The following ADGRG4 variants were observed in gnomAD, a reference collection of about 807,000 sequenced individuals.
ADGRG4 encodes adhesion G protein-coupled receptor G4, also known as G protein-coupled receptor 112.
In ADGRG4, 122 loss-of-function variants were observed where a neutral mutation model predicts 126.2. That is an observed-to-expected ratio of 0.97 (90% CI 0.83 to 1.12). ADGRG4 has a LOEUF of 1.12. Ranked by LOEUF, ADGRG4 falls within the 50% of genes most tolerant of loss-of-function variation. The pLI is 0.00. For synonymous variants in ADGRG4, 943 were observed against 838.7 expected, an observed-to-expected ratio of 1.12 and a Z score of -2.15; for missense variants, 2,481 against 2,251.8, an observed-to-expected ratio of 1.10 and a Z score of -2.06.
chrX:136,387,666 G>T (rs957144327), intron 15 of ADGRG4, 74 bp from the exon 16 acceptor site: 5 of 976,455 alleles, frequency 5.1e-6, no homozygotes, highest in Non-Finnish European at 7.1e-6. Flanking sequence ...AGGCTGAGCT[G>T]GGGTGGGAGG....
chrX:136,300,963 C>T lies in ADGRG4; in HGVS notation c.-291C>T, dbSNP rs1247151299. 4 of 112,338 alleles carry T rather than the reference C, an allele frequency of 3.6e-5. No homozygotes were observed. Among genetic ancestry groups the T allele is most frequent in the Non-Finnish European group, 7.5e-5 (4 of 53,309 alleles). 9.3% of individuals were successfully genotyped at this position (112,338 alleles called of 1,213,427 possible). On this transcript the variant is annotated 5_prime_UTR_variant, in exon 1 of 26. Coordinates refer to ENST00000394143, the MANE Select transcript of ADGRG4 (RefSeq NM_153834.4). ...AGTATTCCATGGTGTATATGTGCCACAGTTTCTTAATCCAGTCTATCACTG... is the reference window on the plus strand; with the variant it reads ...AGTATTCCATGGTGTATATGTGCCATAGTTTCTTAATCCAGTCTATCACTG...
At position 136,414,332 on chromosome X, in the gene ADGRG4, G is replaced by A. The variant is rs1569341115; in HGVS notation, c.9205+5G>A. On this transcript the variant is annotated splice_donor_5th_base_variant and intron_variant, in intron 25 of 25. Coordinates refer to ENST00000394143, the MANE Select transcript of ADGRG4 (RefSeq NM_153834.4). ...CAGAAATAAGCTTTCCAAATGGTAA[G>A]AAAAAAAGGCTGTGTTGTCTACATT... The A allele has an allele frequency of 6.0e-6, 7 of 1,172,596 alleles. No individual in the cohort carries two copies. The highest frequency in any genetic ancestry group is 4.9e-5 in the Admixed American group (2 of 40,721).
At chrX:136,357,643 G>A (rs1722623162) in intron 9 of ADGRG4, 61 bp from the exon 10 acceptor site, 2 of 787,228 alleles carry the variant, frequency 2.5e-6, no homozygotes, top group African/African-American at 4.1e-5. Flanking sequence ...AATAAGCCCT[G>A]TACTCAGTTA....
At chrX:136,385,492 C>T (rs2075288426) in intron 15 of ADGRG4, among the ~76,000 whole-genome samples, 1 of 111,580 alleles carries the variant, frequency 9.0e-6, no homozygotes, top group Admixed American at 9.5e-5. Context: ...CCATTATTTC[C>T]TCTCTCCATT....
chrX:136,317,729 G>T (rs1438780142), intron 4 of ADGRG4, among the ~76,000 whole-genome samples: 1 of 111,308 alleles, frequency 9.0e-6, no homozygotes, highest in Non-Finnish European at 1.9e-5. Flanking sequence ...ATGGGCAAAA[G>T]ACTTGAATAT....
chrX:136,395,641 A>T, intron 19 of ADGRG4, 148 bp downstream of exon 19: 1 of 348,099 alleles, frequency 2.9e-6, no homozygotes, highest in South Asian at 8.3e-5. Flanking sequence ...TCAGATTGAG[A>T]CAAATATTTA....
chrX:136,317,220 G>T (rs2074810152), intron 4 of ADGRG4, among the ~76,000 whole-genome samples: 1 of 110,837 alleles, frequency 9.0e-6, no homozygotes, highest in South Asian at 3.9e-4. Context: ...ACCAAAAGCG[G>T]CCGGGCGTGG....
chrX:136,414,332 G>C lies in ADGRG4; in HGVS notation c.9205+5G>C. 5 of 1,172,628 alleles carry C rather than the reference G, an allele frequency of 4.3e-6. No individual in the cohort carries two copies. Among genetic ancestry groups the C allele is most frequent in the Non-Finnish European group, 5.7e-6 (5 of 872,226 alleles). On this transcript the variant is annotated splice_donor_5th_base_variant and intron_variant, in intron 25 of 25. Coordinates refer to ENST00000394143, the MANE Select transcript of ADGRG4 (RefSeq NM_153834.4). ...CAGAAATAAGCTTTCCAAATGGTAAGAAAAAAAGGCTGTGTTGTCTACATT... is the reference window on the plus strand; with the variant it reads ...CAGAAATAAGCTTTCCAAATGGTAACAAAAAAAGGCTGTGTTGTCTACATT...
intron 5 of ADGRG4, among the ~76,000 whole-genome samples, chrX:136,334,525 T>A (rs1250164447): frequency 8.9e-6 from 1 of 112,312 alleles, no homozygotes; most frequent in Non-Finnish European, 1.9e-5. Flanking sequence ...TATATCTGTA[T>A]ATCAATTTGA....
chrX:136,327,922 GTA>G (rs2074883978), intron 5 of ADGRG4, among the ~76,000 whole-genome samples: 1 of 110,571 alleles, frequency 9.0e-6, no homozygotes, highest in Non-Finnish European at 1.9e-5. Flanking sequence ...ATACATAAAA[GTA>G]TAAATCTAAA....
At chrX:136,395,593 A>G in intron 19 of ADGRG4, 100 bp downstream of exon 19, 1 of 426,405 alleles carries the variant, frequency 2.3e-6, no homozygotes, top group East Asian at 4.2e-5. Flanking sequence ...ATGCATTTGG[A>G]AAAAAATCCC....
rs756479171 is a variant in ADGRG4 at position 136,349,829 on chromosome X, A to G, written c.6123A>G (p.Thr2041=). 33 of 1,208,188 alleles carry G rather than the reference A, an allele frequency of 2.7e-5. No homozygotes were observed. The highest frequency in any genetic ancestry group is 3.6e-5 in the Non-Finnish European group (32 of 894,372). Reference sequence around the variant, plus strand: ...CTACAGTAGAGGTGTCAAAATCAACATTTCTGACATCTGACATGATATCAG... The same window carrying G: ...CTACAGTAGAGGTGTCAAAATCAACGTTTCTGACATCTGACATGATATCAG... The part of the protein sequence containing the change: ...TSSTVEVSKS[T]FLTSDMISAH... Residue 2041 remains threonine (T), a synonymous_variant, in exon 6 of 26, where the codon ACA becomes ACG. Coordinates refer to ENST00000394143, the MANE Select transcript of ADGRG4 (RefSeq NM_153834.4).
intron 23 of ADGRG4, among the ~76,000 whole-genome samples, chrX:136,406,630 G>A (rs779939774): frequency 4.5e-5 from 5 of 112,335 alleles, no homozygotes; most frequent in Non-Finnish European, 7.5e-5. Context: ...GTAAAAGCTA[G>A]GGGCCGGGTG....
At position 136,348,705 on chromosome X, in the gene ADGRG4, ATAGTGACTCCATTTGTAGGCAC is replaced by A; in HGVS notation, c.5000_5021del (p.Ile1667ThrfsTer56). The stretch of plus-strand genomic sequence containing the variant: ...CGTTCCCACCACCATTATGGCTGGG[ATAGTGACTCCATTTGTAGGCAC>A]CACTGCCTTCTCTCCACTCAGTTCT... On this transcript the variant is annotated frameshift_variant, in exon 6 of 26. Coordinates refer to ENST00000394143, the MANE Select transcript of ADGRG4 (RefSeq NM_153834.4). LOFTEE classifies it high-confidence loss of function. 1 of 1,209,853 alleles carries A rather than the reference ATAGTGACTCCATTTGTAGGCAC, an allele frequency of 8.3e-7. No individual in the cohort carries two copies. The highest frequency in any genetic ancestry group is 1.8e-5 in the South Asian group (1 of 56,870).
chrX:136,403,097 C>A, intron 21 of ADGRG4, 147 bp from the exon 22 acceptor site: 1 of 442,884 alleles, frequency 2.3e-6, no homozygotes. Context: ...GAAGAATTCA[C>A]AAACATTTTG....
At position 136,345,447 on chromosome X, in the gene ADGRG4, C is replaced by T. The variant is rs151008495; in HGVS notation, c.1741C>T (p.Arg581Cys). 8.4e-4 allele frequency: 1,014 copies of T among 1,206,917 alleles called. 1 individual carries two copies. The highest frequency in any genetic ancestry group is 1.1e-3 in the Non-Finnish European group (940 of 892,627). ...GACAGTTATTGATGCTGAAGCTACACGTACAGCCTTAACTCCTGAAATCAC... is the reference window on the plus strand; with the variant it reads ...GACAGTTATTGATGCTGAAGCTACATGTACAGCCTTAACTCCTGAAATCAC... ...VQTVIDAEAT[R>C]TALTPEITLA... is the part of the protein sequence containing the mutation. The change falls in exon 6 of 26, where the codon CGT becomes TGT. Residue 581 changes from arginine (R) to cysteine (C), a missense_variant. By Grantham distance (180) the Arg-to-Cys change is radical. Transcript: ENST00000394143.
At position 136,308,649 on chromosome X, in the gene ADGRG4, C is replaced by A. The variant is rs148411986; in HGVS notation, c.-9-120C>A. 248 of 517,407 alleles carry A rather than the reference C, an allele frequency of 4.8e-4. 1 individual carries two copies. The highest frequency in any genetic ancestry group is 4.6e-3 in the African/African-American group (194 of 42,501). 42.6% of individuals were successfully genotyped at this position (517,407 alleles called of 1,213,427 possible). A position where few individuals can be genotyped will look rare whatever the true frequency, so the allele number is the denominator to read the frequency against. ...CCTATCATGTGGTTGGCTGACATGA[C>A]TTTAAGCAATAGGAAAAAACCCTTA... On this transcript the variant is annotated intron_variant, in intron 3 of 25. Transcript: ENST00000394143.
At chrX:136,323,658 T>C (rs776369975) in intron 5 of ADGRG4, among the ~76,000 whole-genome samples, 1 of 109,905 alleles carries the variant, frequency 9.1e-6, no homozygotes, top group African/African-American at 3.3e-5. Context: ...GTTGCAGGCA[T>C]AATTCTTTGC....
Position 136,396,765 on chromosome X carries a change from T to C in ADGRG4, c.8185-1116T>C, listed in dbSNP as rs144918877. On this transcript the variant is annotated intron_variant, in intron 19 of 25. Transcript: ENST00000394143. ...CCAGGGTTTCTCAATCTTGGCACTA[T>C]AGATATTCTGGCCAAATAGTTCTGT... 7.9e-3 allele frequency among the ~76,000 whole-genome samples: 851 copies of C among 107,962 alleles called. 9 individuals carry two copies. The highest frequency in any genetic ancestry group is 0.025 in the African/African-American group (746 of 29,429). 93.8% of individuals were successfully genotyped at this position (107,962 alleles called of 115,157 possible). A position where few individuals can be genotyped will look rare whatever the true frequency, so the allele number is the denominator to read the frequency against.
Sources: gnomAD v4.1 joint callset for allele counts (sites outside exome capture counted in the v4.1 genomes callset) on GRCh38, gnomAD v4.1.1 for gene constraint, MANE v1.5 for transcripts, NCBI Gene and HGNC (gene_info 2026-07-23, HGNC 2026-07-21) for gene names.